Variants in CADPS2 observed in about 807,000 individuals in gnomAD.
The protein encoded by CADPS2 is calcium-dependent secretion activator 2.
In CADPS2, 93 loss-of-function variants were observed where a neutral mutation model predicts 172.5. The ratio of observed to expected loss-of-function variants is 0.54; its 90% confidence interval spans 0.46 to 0.64. The LOEUF is 0.64. Ranked by LOEUF, CADPS2 falls within the 30% of genes least tolerant of loss-of-function variation. The pLI, the probability that CADPS2 is intolerant of heterozygous loss-of-function variation, is 0.00. For missense variants in CADPS2, 1,420 were observed against 1,565.9 expected, an observed-to-expected ratio of 0.91 and a Z score of 1.57; for synonymous variants, 546 against 555.2, an observed-to-expected ratio of 0.98 and a Z score of 0.23.
chr7:122,433,945 C>A (rs2050307234), intron 17 of CADPS2, among the ~76,000 whole-genome samples: 1 of 152,158 alleles, frequency 6.6e-6, no homozygotes, highest in Admixed American at 6.5e-5. Context: ...CTGACCCTTT[C>A]ATATCTCCCA....
intron 9 of CADPS2, among the ~76,000 whole-genome samples, chr7:122,508,479 T>TC (rs1186616448): frequency 5.1e-5 from 7 of 135,980 alleles, no homozygotes; most frequent in African/African-American, 1.5e-4. Flanking sequence ...TTTTTTTTTT[T>TC]CTGGAGACAG....
chr7:122,565,641 T>C (rs551859327), intron 7 of CADPS2, among the ~76,000 whole-genome samples: 228 of 152,298 alleles, frequency 1.5e-3, no homozygotes, highest in Admixed American at 2.9e-3. Flanking sequence ...CATCAGGGAA[T>C]AAGAGTGTTT....
intron 2 of CADPS2, among the ~76,000 whole-genome samples, chr7:122,675,709 C>T (rs2082314775): frequency 6.6e-6 from 1 of 152,074 alleles, no homozygotes; most frequent in Admixed American, 6.6e-5. Context: ...CCAAGCAAAC[C>T]AACACAGGAC....
At chr7:122,608,599 A>G (rs1051631113) in intron 6 of CADPS2, among the ~76,000 whole-genome samples, 4 of 152,190 alleles carry the variant, frequency 2.6e-5, no homozygotes, top group Non-Finnish European at 5.9e-5. Flanking sequence ...CATAATATCC[A>G]TAAATGTAGT....
chr7:122,411,762 C>G (rs1340073861), intron 19 of CADPS2, among the ~76,000 whole-genome samples: 1 of 152,066 alleles, frequency 6.6e-6, no homozygotes, highest in African/African-American at 2.4e-5. Flanking sequence ...TACTCACATA[C>G]ACAGCGACAT....
At chr7:122,851,027 G>A (rs961889775) in intron 1 of CADPS2, among the ~76,000 whole-genome samples, 2 of 152,170 alleles carry the variant, frequency 1.3e-5, no homozygotes, top group Admixed American at 1.3e-4. Context: ...AGATAGTTGT[G>A]TCTCCCAACT....
chr7:122,720,880 C>T (rs1357568510), intron 2 of CADPS2, among the ~76,000 whole-genome samples: 1 of 151,742 alleles, frequency 6.6e-6, no homozygotes, highest in Non-Finnish European at 1.5e-5. Context: ...TTTTTTTGTA[C>T]ATCAAAAATG....
In CADPS2 at chr7:122,357,134, T is replaced by C. The variant is rs191694659; in HGVS notation, c.3504+3654A>G. On this transcript the variant is annotated intron_variant, in intron 27 of 29. Transcript: ENST00000449022. ...ACAAATTCACACTGATATTTCCAAC[T>C]CTAATCCATTACAGGATCATTCTAG... is the stretch of plus-strand genomic sequence containing the variant. 3.9e-5 allele frequency among the ~76,000 whole-genome samples: 6 copies of C among 152,274 alleles called. No individual in the cohort carries two copies. In the East Asian group the frequency reaches 1.2e-3, roughly 29 times the overall value.
At chr7:122,801,363 C>A (rs1037214508) in intron 1 of CADPS2, among the ~76,000 whole-genome samples, 1 of 152,142 alleles carries the variant, frequency 6.6e-6, no homozygotes, top group Non-Finnish European at 1.5e-5. Flanking sequence ...CTAAAGAAAT[C>A]TGTTACATTA....
At chr7:122,821,972 C>CA (rs1803434109) in intron 1 of CADPS2, among the ~76,000 whole-genome samples, 2 of 151,956 alleles carry the variant, frequency 1.3e-5, no homozygotes, top group African/African-American at 4.8e-5. Flanking sequence ...GACTGTGCCC[C>CA]AAAAAACTTG....
intron 18 of CADPS2, among the ~76,000 whole-genome samples, chr7:122,414,413 C>T (rs148978409): frequency 2.0e-5 from 3 of 152,134 alleles, no homozygotes; most frequent in Admixed American, 2.0e-4. Flanking sequence ...AATTGAATAT[C>T]CAATTATTAA....
chr7:122,607,384 T>C (rs1379350328), intron 6 of CADPS2, among the ~76,000 whole-genome samples: 1 of 152,154 alleles, frequency 6.6e-6, no homozygotes, highest in African/African-American at 2.4e-5. Context: ...GTGGTAAGAA[T>C]TAAGCTTCCT....
At chr7:122,384,631 C>T (rs762378348) in intron 24 of CADPS2, among the ~76,000 whole-genome samples, 8 of 152,064 alleles carry the variant, frequency 5.3e-5, no homozygotes, top group Non-Finnish European at 1.0e-4. Flanking sequence ...TTGTTTACCA[C>T]TTTTTCAGGG....
chr7:122,491,208 C>A (rs1043415043), intron 10 of CADPS2, 104 bp downstream of exon 10: 9 of 612,702 alleles, frequency 1.5e-5, no homozygotes, highest in African/African-American at 1.3e-4. Context: ...GAAATATGCA[C>A]CCTATTCATC....
At chr7:122,514,448 A>G (rs1563561853) in intron 8 of CADPS2, among the ~76,000 whole-genome samples, 1 of 152,080 alleles carries the variant, frequency 6.6e-6, no homozygotes, top group African/African-American at 2.4e-5. Flanking sequence ...AAATAATCCT[A>G]TTTTGCAAAA....
intron 6 of CADPS2, among the ~76,000 whole-genome samples, chr7:122,605,084 A>C (rs2073324267): frequency 6.6e-6 from 1 of 152,146 alleles, no homozygotes; most frequent in Non-Finnish European, 1.5e-5. Flanking sequence ...GTGTATTTCT[A>C]AACATATTTA....
chr7:122,665,003 T>C (rs371778725), intron 2 of CADPS2, among the ~76,000 whole-genome samples: 1 of 150,082 alleles, frequency 6.7e-6, no homozygotes, highest in African/African-American at 2.4e-5. Flanking sequence ...CTCATTTATA[T>C]GACTCAGGCT....
At chr7:122,586,067 C>T (rs2133041340) in intron 6 of CADPS2, among the ~76,000 whole-genome samples, 1 of 151,866 alleles carries the variant, frequency 6.6e-6, no homozygotes. Context: ...AATTATGGGG[C>T]ATGTGATGAA....
intron 22 of CADPS2, among the ~76,000 whole-genome samples, chr7:122,388,940 T>C (rs2044031279): frequency 6.6e-6 from 1 of 151,938 alleles, no homozygotes; most frequent in South Asian, 2.1e-4. Flanking sequence ...GAGAACAAAA[T>C]AGAAATAAAT....
Sources: allele counts gnomAD v4.1 joint callset (sites outside exome capture counted in the v4.1 genomes callset), GRCh38; gene constraint gnomAD v4.1.1; transcripts MANE v1.5; gene names NCBI Gene and HGNC (gene_info 2026-07-23, HGNC 2026-07-21).